SMURF1: variants seen among roughly 807,000 people sequenced by gnomAD.
SMURF1 encodes E3 ubiquitin-protein ligase SMURF1.
A neutral mutation model predicts 98.0 loss-of-function variants in SMURF1; 44 were observed. That is an observed-to-expected ratio of 0.45 (90% CI 0.35 to 0.58). SMURF1 has a LOEUF of 0.58. Ranked by LOEUF, SMURF1 falls within the 20% of genes least tolerant of loss-of-function variation. The pLI, the probability that SMURF1 is intolerant of heterozygous loss-of-function variation, is 0.00. For synonymous variants in SMURF1, 396 were observed against 374.9 expected (o/e 1.06, Z -0.65); for missense variants, 687 against 938.4 (o/e 0.73, Z 3.50).
At chr7:99,140,045 A>G (rs772257544) in intron 1 of SMURF1, among the ~76,000 whole-genome samples, 1 of 152,228 alleles carries the variant, frequency 6.6e-6, no homozygotes, top group Admixed American at 6.5e-5. Context: ...ATAAGTAGGT[A>G]GCTAAATTGA....
At chr7:99,110,162 C>T (rs187233766) in intron 1 of SMURF1, among the ~76,000 whole-genome samples, 1 of 152,210 alleles carries the variant, frequency 6.6e-6, no homozygotes, top group African/African-American at 2.4e-5. Flanking sequence ...AAAACAACAA[C>T]CTTTGTATCT....
chr7:99,048,457 T>A (rs1428025389), intron 9 of SMURF1: 1 of 155,836 alleles, frequency 6.4e-6, no homozygotes, highest in African/African-American at 2.4e-5. Context: ...CAAATAAAAA[T>A]GGAAATGGCT....
At position 99,037,104 on chromosome 7, in the gene SMURF1, T is replaced by G; in HGVS notation, c.1772A>C (p.Gln591Pro). The change falls in exon 15 of 18, where the codon CAA (glutamine) becomes CCA (proline). Residue 591 changes from glutamine to proline, a missense_variant. Gln to Pro is a moderately conservative substitution (Grantham distance 76). Transcript: ENST00000361368. ...CTGGTCAAAAGGCTTCAGCAGATGT[T>G]GAGGGATGAGCTCATTGAACCCCTT... ...LQKGFNELIP[Q>P]HLLKPFDQKE... The G allele has an allele frequency of 6.2e-7, 1 of 1,614,152 alleles. No individual in the cohort carries two copies. Among genetic ancestry groups the G allele is most frequent in the Non-Finnish European group, 8.5e-7 (1 of 1,180,040 alleles).
At chr7:99,032,790 C>T (rs1794957865) in intron 17 of SMURF1, 4 of 526,332 alleles carry the variant, frequency 7.6e-6, no homozygotes, top group African/African-American at 1.9e-5. Flanking sequence ...TTTTACATGG[C>T]CAGTAAAGCC....
intron 1 of SMURF1, among the ~76,000 whole-genome samples, chr7:99,068,717 C>G (rs140318886): frequency 8.1e-4 from 124 of 152,298 alleles, no homozygotes; most frequent in African/African-American, 2.9e-3. Context: ...TGAGTTTCTC[C>G]CTGGGTATTA....
intron 1 of SMURF1, among the ~76,000 whole-genome samples, chr7:99,067,822 C>T (rs994757972): frequency 2.0e-5 from 3 of 151,924 alleles, no homozygotes; most frequent in African/African-American, 7.3e-5. Flanking sequence ...GGCGTGGTGG[C>T]GGGTACCTGT....
At chr7:99,139,166 T>C (rs1164110665) in intron 1 of SMURF1, among the ~76,000 whole-genome samples, 1 of 152,258 alleles carries the variant, frequency 6.6e-6, no homozygotes, top group Non-Finnish European at 1.5e-5. Flanking sequence ...TTGAGACACC[T>C]GTAATTCATC....
At chr7:99,093,672 G>C (rs1409342466) in intron 1 of SMURF1, among the ~76,000 whole-genome samples, 1 of 150,416 alleles carries the variant, frequency 6.6e-6, no homozygotes, top group Non-Finnish European at 1.5e-5. Flanking sequence ...TTTCCTCCTT[G>C]TATAAAGAGT....
intron 2 of SMURF1, among the ~76,000 whole-genome samples, chr7:99,061,025 A>T (rs1021759577): frequency 5.3e-5 from 8 of 152,204 alleles, no homozygotes; most frequent in Admixed American, 1.3e-4. Context: ...TTGTTTACTG[A>T]TCTTTGCCTA....
chr7:99,143,630 G>A, intron 1 of SMURF1, 96 bp downstream of exon 1: 1 of 1,070,598 alleles, frequency 9.3e-7, no homozygotes, highest in African/African-American at 1.7e-5. Context: ...GACAACGGCC[G>A]GCGTGGGGGA....
chr7:99,040,322 C>T (rs80109397), intron 13 of SMURF1, 56 bp downstream of exon 13: 294 of 1,413,490 alleles, frequency 2.1e-4, no homozygotes, highest in African/African-American at 8.2e-4. Flanking sequence ...CGCATACATA[C>T]GATAGACGTG....
At chr7:99,057,352 CA>C in intron 4 of SMURF1, 65 bp downstream of exon 4, 1 of 1,607,822 alleles carries the variant, frequency 6.2e-7, no homozygotes, top group Non-Finnish European at 8.5e-7. Context: ...GCGATCAAAA[CA>C]AAAAACGATG....
intron 13 of SMURF1, among the ~76,000 whole-genome samples, chr7:99,039,370 G>C (rs1795284922): frequency 1.3e-5 from 2 of 151,714 alleles, no homozygotes; most frequent in Non-Finnish European, 2.9e-5. Flanking sequence ...TTTTGAGACA[G>C]AGACTCACTC....
At chr7:99,086,048 A>C (rs1796670892) in intron 1 of SMURF1, among the ~76,000 whole-genome samples, 1 of 152,188 alleles carries the variant, frequency 6.6e-6, no homozygotes, top group Non-Finnish European at 1.5e-5. Flanking sequence ...GACTAGTATG[A>C]AATATCACTT....
chr7:99,082,104 G>C (rs1293981768), intron 1 of SMURF1, among the ~76,000 whole-genome samples: 1 of 152,224 alleles, frequency 6.6e-6, no homozygotes, highest in Non-Finnish European at 1.5e-5. Context: ...TGTCTGTTCA[G>C]ATCCTTTACC....
At chr7:99,135,429 C>A (rs185311134) in intron 1 of SMURF1, among the ~76,000 whole-genome samples, 15 of 152,292 alleles carry the variant, frequency 9.8e-5, no homozygotes, top group Non-Finnish European at 1.5e-4. Context: ...CAGTCGTATT[C>A]TATACAGACC....
In SMURF1 at chr7:99,144,037, GCCT is replaced by G. The variant is rs1177248991; in HGVS notation, c.-260_-258del. The G allele has an allele frequency of 1.0e-5, 2 of 197,074 alleles. No homozygotes were observed. The highest frequency in any genetic ancestry group is 9.8e-6 in the Non-Finnish European group (1 of 102,420). 12.2% of individuals were successfully genotyped at this position (197,074 alleles called of 1,614,324 possible). On this transcript the variant is annotated 5_prime_UTR_variant, in exon 1 of 18. Coordinates refer to ENST00000361368, the MANE Select transcript of SMURF1 (RefSeq NM_181349.3). Reference sequence around the variant, plus strand: ...CCGAGCCGCCGCCGCCTCCGCCGCCGCCTCCGCCGCCTCCACCACCTCAGAGCC... The same window carrying G: ...CCGAGCCGCCGCCGCCTCCGCCGCCGCCGCCGCCTCCACCACCTCAGAGCC...
At chr7:99,047,595 C>G in intron 10 of SMURF1, 89 bp downstream of exon 10, 1 of 1,395,002 alleles carries the variant, frequency 7.2e-7, no homozygotes, top group Middle Eastern at 1.8e-4. Context: ...TAAAGCAGCC[C>G]TTGAAAACAA....
intron 1 of SMURF1, among the ~76,000 whole-genome samples, chr7:99,063,463 C>A (rs961016915): frequency 6.7e-6 from 1 of 149,622 alleles, no homozygotes; most frequent in Non-Finnish European, 1.5e-5. Context: ...CAACTAACTT[C>A]TTTTTTTAAA....
Sources: allele counts gnomAD v4.1 joint callset (sites outside exome capture counted in the v4.1 genomes callset), GRCh38; gene constraint gnomAD v4.1.1; transcripts MANE v1.5; gene names NCBI Gene and HGNC (gene_info 2026-07-23, HGNC 2026-07-21).